Variants in CDH18 observed in about 807,000 individuals in gnomAD.
CDH18 encodes cadherin 18.
In CDH18, 31 loss-of-function variants were observed where a neutral mutation model predicts 67.9. The ratio of observed to expected loss-of-function variants is 0.46; its 90% CI spans 0.34 to 0.62. The LOEUF is 0.62. CDH18 is among the 20% of genes least tolerant of loss of function. CDH18 has a pLI of 0.01. For missense variants in CDH18, 890 were observed against 975.5 expected, an observed-to-expected ratio of 0.91 and a Z score of 1.17; for synonymous variants, 362 against 347.2, an observed-to-expected ratio of 1.04 and a Z score of -0.48.
intron 5 of CDH18, among the ~76,000 whole-genome samples, chr5:19,666,233 GATTTTTATT>G (rs150848046): frequency 0.05 from 6,157 of 122,244 alleles, 423 homozygotes; most frequent in African/African-American, 0.17. Flanking sequence ...ACGCCTGTAT[GATTTTTATT>G]ATTATTATTA....
chr5:20,012,283 T>C (rs7704008), intron 2 of CDH18, among the ~76,000 whole-genome samples: 8,701 of 151,650 alleles, frequency 0.057, 587 homozygotes, highest in African/African-American at 0.16. Flanking sequence ...AAAATATCCT[T>C]CTTATCATTT....
chr5:19,638,790 A>C (rs1472626867), intron 5 of CDH18, among the ~76,000 whole-genome samples: 1 of 151,910 alleles, frequency 6.6e-6, no homozygotes, highest in East Asian at 1.9e-4. Flanking sequence ...TAGGATAAGG[A>C]GTTCCATTTT....
At chr5:20,449,832 A>T (rs1007061049) in intron 1 of CDH18, among the ~76,000 whole-genome samples, 4 of 151,436 alleles carry the variant, frequency 2.6e-5, no homozygotes, top group African/African-American at 4.8e-5. Flanking sequence ...AAAAAGAAAA[A>T]ATATATATAT....
intron 2 of CDH18, among the ~76,000 whole-genome samples, chr5:20,027,136 G>A (rs569358541): frequency 6.6e-6 from 1 of 151,662 alleles, no homozygotes; most frequent in Non-Finnish European, 1.5e-5. Flanking sequence ...ACATTTTCAC[G>A]ACTGTTTAAA....
intron 3 of CDH18, among the ~76,000 whole-genome samples, chr5:19,771,836 G>A (rs1773766691): frequency 6.6e-6 from 1 of 152,010 alleles, no homozygotes; most frequent in South Asian, 2.1e-4. Context: ...AGTTGTCAGG[G>A]GCAGGAGTGT....
At chr5:20,340,221 T>C (rs949009053) in intron 1 of CDH18, among the ~76,000 whole-genome samples, 2 of 152,060 alleles carry the variant, frequency 1.3e-5, no homozygotes, top group Non-Finnish European at 2.9e-5. Flanking sequence ...ACAACAAATA[T>C]GAAAGGACAA....
intron 2 of CDH18, among the ~76,000 whole-genome samples, chr5:20,137,604 C>T (rs1481345338): frequency 6.6e-6 from 1 of 152,090 alleles, no homozygotes; most frequent in Non-Finnish European, 1.5e-5. Flanking sequence ...CAAAGTCATT[C>T]TCCGTCCACC....
intron 1 of CDH18, among the ~76,000 whole-genome samples, chr5:20,264,878 A>C (rs1205759262): frequency 6.6e-6 from 1 of 152,120 alleles, no homozygotes; most frequent in Non-Finnish European, 1.5e-5. Flanking sequence ...CACAGTCTAA[A>C]TTCTCCATTT....
intron 5 of CDH18, among the ~76,000 whole-genome samples, chr5:19,624,997 T>C (rs937796637): frequency 6.6e-6 from 1 of 151,474 alleles, no homozygotes; most frequent in Non-Finnish European, 1.5e-5. Flanking sequence ...GTGGAGAAAA[T>C]TGCTGCCCTT....
chr5:19,999,532 G>A (rs1169500778), intron 2 of CDH18, among the ~76,000 whole-genome samples: 2 of 152,188 alleles, frequency 1.3e-5, no homozygotes, highest in African/African-American at 2.4e-5. Flanking sequence ...AACCTGGCAG[G>A]CGGAGGTTGC....
chr5:20,138,898 T>C (rs1016621936), intron 2 of CDH18, among the ~76,000 whole-genome samples: 40 of 152,052 alleles, frequency 2.6e-4, no homozygotes, highest in African/African-American at 9.2e-4. Flanking sequence ...CCTAAGGTAA[T>C]TTATAGATTC....
chr5:20,281,550 C>A (rs1580658318), intron 1 of CDH18, among the ~76,000 whole-genome samples: 1 of 152,000 alleles, frequency 6.6e-6, no homozygotes, highest in Admixed American at 6.6e-5. Flanking sequence ...GGGCTCTGTT[C>A]TTTTCCATTG....
chr5:20,219,523 A>T (rs1025117577), intron 2 of CDH18, among the ~76,000 whole-genome samples: 2 of 151,560 alleles, frequency 1.3e-5, no homozygotes, highest in African/African-American at 4.8e-5. Flanking sequence ...ATGTCAAAAA[A>T]AAAAAAAGAA....
intron 1 of CDH18, among the ~76,000 whole-genome samples, chr5:20,534,906 A>G (rs1041312588): frequency 2.0e-5 from 3 of 152,030 alleles, no homozygotes; most frequent in Non-Finnish European, 4.4e-5. Context: ...CAGCAGCACA[A>G]TCATAGCTTG....
At chr5:20,480,132 C>A (rs929689552) in intron 1 of CDH18, among the ~76,000 whole-genome samples, 1 of 151,842 alleles carries the variant, frequency 6.6e-6, no homozygotes, top group African/African-American at 2.4e-5. Flanking sequence ...TAAGAAATGC[C>A]AAAGGGAGTT....
At chr5:20,403,610 G>A (rs958496527) in intron 1 of CDH18, among the ~76,000 whole-genome samples, 3 of 152,120 alleles carry the variant, frequency 2.0e-5, no homozygotes, top group Non-Finnish European at 2.9e-5. Flanking sequence ...TGTTTTCTGT[G>A]CAGTAGTTCT....
At chr5:20,242,099 G>C (rs917076385) in intron 2 of CDH18, among the ~76,000 whole-genome samples, 2 of 151,442 alleles carry the variant, frequency 1.3e-5, no homozygotes, top group Non-Finnish European at 2.9e-5. Context: ...TTTAAATTAT[G>C]AGGAGATGTA....
chr5:20,037,980 A>T (rs1010428083), intron 2 of CDH18, among the ~76,000 whole-genome samples: 3 of 152,116 alleles, frequency 2.0e-5, no homozygotes, highest in Non-Finnish European at 4.4e-5. Flanking sequence ...AAAAGAGAGA[A>T]GGATCAAATA....
intron 1 of CDH18, among the ~76,000 whole-genome samples, chr5:20,448,091 C>T (rs557515202): frequency 1.2e-3 from 177 of 151,844 alleles, no homozygotes; most frequent in Non-Finnish European, 1.9e-3. Context: ...TGTGATGTTC[C>T]CCTTCCCATA....
Sources: allele counts gnomAD v4.1 joint callset (sites outside exome capture counted in the v4.1 genomes callset), GRCh38; gene constraint gnomAD v4.1.1; transcripts MANE v1.5; gene names NCBI Gene and HGNC (gene_info 2026-07-23, HGNC 2026-07-21).